CEP112: variants seen among roughly 807,000 people sequenced by gnomAD.
CEP112 encodes the protein centrosomal protein of 112 kDa.
CEP112 carries 127 observed loss-of-function variants against 153.0 expected under a neutral mutation model. The observed-to-expected ratio is 0.83, with a 90% CI of 0.72 to 0.96. CEP112 has a LOEUF of 0.96. CEP112 is among the 40% of genes least tolerant of loss of function. The pLI, the probability that CEP112 is intolerant of heterozygous loss-of-function variation, is 0.00. For synonymous variants in CEP112, 358 were observed against 374.4 expected (o/e 0.96, Z 0.51); for missense variants, 1,089 against 1,101.2 (o/e 0.99, Z 0.16).
chr17:65,640,137 C>CATATATAT lies in CEP112; in HGVS notation c.2799+819_2799+826dup, dbSNP rs762352624. ...ACAGGCGTGAGCCACTGCACCCGAC[C>CATATATAT]ATATATATATATATATATTTTTTTT... On this transcript the variant is annotated intron_variant, in intron 25 of 26. Coordinates refer to ENST00000535342, the MANE Select transcript of CEP112 (RefSeq NM_001199165.4). 3.6e-3 allele frequency among the ~76,000 whole-genome samples: 401 copies of CATATATAT among 112,094 alleles called. 20 individuals are homozygous for CATATATAT. The highest frequency in any genetic ancestry group is 0.019 in the African/African-American group (368 of 19,762). 73.5% of individuals were successfully genotyped at this position (112,094 alleles called of 152,430 possible).
chr17:65,648,613 G>A (rs144326712), intron 24 of CEP112, among the ~76,000 whole-genome samples: 1 of 152,226 alleles, frequency 6.6e-6, no homozygotes, highest in Non-Finnish European at 1.5e-5. Flanking sequence ...AAGGTGTATG[G>A]AATGTGCAGT....
intron 17 of CEP112, among the ~76,000 whole-genome samples, chr17:65,971,804 C>T (rs1012891261): frequency 6.6e-6 from 1 of 152,054 alleles, no homozygotes; most frequent in Non-Finnish European, 1.5e-5. Flanking sequence ...AAGCCTATTC[C>T]AGGGCAAAGA....
At chr17:65,884,994 G>A (rs2059225446) in intron 20 of CEP112, among the ~76,000 whole-genome samples, 1 of 152,048 alleles carries the variant, frequency 6.6e-6, no homozygotes, top group African/African-American at 2.4e-5. Flanking sequence ...GGGATTACAG[G>A]TGTGAGCCAT....
At chr17:66,075,762 T>A (rs144619273) in intron 8 of CEP112, among the ~76,000 whole-genome samples, 1 of 152,214 alleles carries the variant, frequency 6.6e-6, no homozygotes, top group African/African-American at 2.4e-5. Flanking sequence ...GCTTGCATCA[T>A]GAATTTTAGC....
intron 19 of CEP112, chr17:65,913,838 G>A: frequency 2.0e-6 from 2 of 985,432 alleles, no homozygotes; most frequent in Non-Finnish European, 2.4e-6. Context: ...AGCAAGGCTG[G>A]AAGCAGGCGC....
chr17:65,878,748 C>T (rs2058940456), intron 20 of CEP112, among the ~76,000 whole-genome samples: 1 of 151,814 alleles, frequency 6.6e-6, no homozygotes, highest in Non-Finnish European at 1.5e-5. Flanking sequence ...AGGACGAGCC[C>T]CCAAAAGCCT....
At chr17:65,886,701 T>A (rs1202862940) in intron 20 of CEP112, among the ~76,000 whole-genome samples, 2 of 152,150 alleles carry the variant, frequency 1.3e-5, no homozygotes, top group East Asian at 3.9e-4. Context: ...TTCACTACAG[T>A]TTCATTCTTT....
chr17:65,732,159 G>A (rs1171230377), intron 23 of CEP112, among the ~76,000 whole-genome samples: 1 of 152,184 alleles, frequency 6.6e-6, no homozygotes, highest in Non-Finnish European at 1.5e-5. Context: ...AATGACTCCT[G>A]GATTAATGAG....
intron 23 of CEP112, among the ~76,000 whole-genome samples, chr17:65,712,162 C>T (rs2049224416): frequency 6.6e-6 from 1 of 152,106 alleles, no homozygotes; most frequent in South Asian, 2.1e-4. Context: ...GACTTACCAC[C>T]ACCCTCTGTT....
chr17:66,164,920 GTA>G (rs762279973), intron 4 of CEP112, among the ~76,000 whole-genome samples: 22,506 of 129,602 alleles, frequency 0.17, 1,893 homozygotes, highest in Non-Finnish European at 0.21. Context: ...GTGTGTGTGT[GTA>G]TATTTATTTA....
intron 12 of CEP112, among the ~76,000 whole-genome samples, chr17:66,036,348 T>C (rs1171346344): frequency 6.7e-6 from 1 of 150,296 alleles, no homozygotes; most frequent in South Asian, 2.1e-4. Flanking sequence ...GTTAAGAGGG[T>C]AGATCTCACA....
At position 65,718,432 on chromosome 17, in the gene CEP112, T is replaced by C. The variant is rs537727033; in HGVS notation, c.2607+24636A>G. 1.8e-4 allele frequency among the ~76,000 whole-genome samples: 28 copies of C among 151,998 alleles called. 1 individual carries two copies. In the East Asian group the frequency reaches 5.0e-3, roughly 27 times the overall value. ...TCAAAAAAAAAAAAAAAATTTACTA[T>C]TTTTTCTGTAGAATATAATCAATGA... On this transcript the variant is annotated intron_variant, in intron 23 of 26. Transcript: ENST00000535342.
chr17:66,124,558 G>A (rs2069753797), intron 6 of CEP112, among the ~76,000 whole-genome samples: 2 of 132,512 alleles, frequency 1.5e-5, no homozygotes, highest in Admixed American at 1.8e-4. Flanking sequence ...CTAGAGGCAG[G>A]GCCAAGAAAG....
At chr17:66,021,446 A>G (rs1403864185) in intron 16 of CEP112, among the ~76,000 whole-genome samples, 2 of 152,184 alleles carry the variant, frequency 1.3e-5, no homozygotes, top group East Asian at 1.9e-4. Context: ...TTGCCTGGGT[A>G]GCAGGTTTTG....
At chr17:65,933,303 A>G (rs1466603234) in intron 18 of CEP112, among the ~76,000 whole-genome samples, 4 of 152,238 alleles carry the variant, frequency 2.6e-5, no homozygotes, top group African/African-American at 9.6e-5. Flanking sequence ...CCAAATCTAG[A>G]AAAACATGTC....
At chr17:66,149,814 T>G (rs1034953965) in intron 4 of CEP112, among the ~76,000 whole-genome samples, 8 of 150,928 alleles carry the variant, frequency 5.3e-5, no homozygotes, top group African/African-American at 1.9e-4. Context: ...CTTCCTTCTG[T>G]TAGCTTTAGG....
intron 12 of CEP112, among the ~76,000 whole-genome samples, chr17:66,040,486 C>CTTT (rs1598199922): frequency 6.9e-5 from 3 of 43,668 alleles, no homozygotes; most frequent in Non-Finnish European, 1.5e-4. Flanking sequence ...TGCCTTTTCC[C>CTTT]TTTTTTTCTT....
intron 23 of CEP112, among the ~76,000 whole-genome samples, chr17:65,694,637 C>T (rs1221804685): frequency 1.3e-5 from 2 of 152,168 alleles, no homozygotes; most frequent in South Asian, 2.1e-4. Context: ...TTAAAATGTA[C>T]GGCATGAAAG....
chr17:65,950,383 A>G (rs2061784244), intron 18 of CEP112, among the ~76,000 whole-genome samples: 1 of 152,068 alleles, frequency 6.6e-6, no homozygotes, highest in Non-Finnish European at 1.5e-5. Context: ...CTCTCCACTT[A>G]CTTAGATCTT....
Sources: allele counts gnomAD v4.1 joint callset (sites outside exome capture counted in the v4.1 genomes callset), GRCh38; gene constraint gnomAD v4.1.1; transcripts MANE v1.5; gene names NCBI Gene and HGNC (gene_info 2026-07-23, HGNC 2026-07-21).